Variants in ACSM2B observed in about 807,000 individuals in gnomAD.
ACSM2B encodes the protein acyl-CoA synthetase medium chain family member 2B, also known as acyl-coenzyme A synthetase ACSM2B, mitochondrial.
A neutral mutation model predicts 78.6 loss-of-function variants in ACSM2B; 58 were observed. That is an observed-to-expected ratio of 0.74 (90% confidence interval 0.60 to 0.92). The LOEUF is 0.92. ACSM2B is among the 40% of genes least tolerant of loss of function. The pLI, the probability that ACSM2B is intolerant of heterozygous loss-of-function variation, is 0.00. For missense variants in ACSM2B, 688 were observed against 711.2 expected (o/e 0.97, Z 0.37); for synonymous variants, 257 against 256.8 (o/e 1.00, Z -0.01).
chr16:20,545,891 T>C (rs1356167412), intron 9 of ACSM2B, among the ~76,000 whole-genome samples: 2 of 152,178 alleles, frequency 1.3e-5, no homozygotes, highest in African/African-American at 4.8e-5. Flanking sequence ...AATAAAACTT[T>C]AGCTACTACA....
At chr16:20,573,917 C>A (rs1283551781) in intron 1 of ACSM2B, among the ~76,000 whole-genome samples, 1 of 150,674 alleles carries the variant, frequency 6.6e-6, no homozygotes, top group East Asian at 1.9e-4. Flanking sequence ...TCCTGCTGTG[C>A]ACACATTGTC....
chr16:20,562,517 A>G (rs12926986), intron 2 of ACSM2B, among the ~76,000 whole-genome samples: 5 of 152,202 alleles, frequency 3.3e-5, no homozygotes, highest in African/African-American at 1.2e-4. Context: ...TCATTCGTGG[A>G]CATAGACCAA....
At chr16:20,552,049 A>C in intron 6 of ACSM2B, 95 bp downstream of exon 6, 1 of 1,522,170 alleles carries the variant, frequency 6.6e-7, no homozygotes, top group Non-Finnish European at 8.8e-7. Context: ...GAGGTTTAGC[A>C]AAAATTAGAT....
At chr16:20,562,283 C>T (rs370392637) in intron 2 of ACSM2B, among the ~76,000 whole-genome samples, 2 of 151,890 alleles carry the variant, frequency 1.3e-5, no homozygotes, top group African/African-American at 4.8e-5. Flanking sequence ...TAAAATAGAC[C>T]CTTCGCATAT....
intron 6 of ACSM2B, among the ~76,000 whole-genome samples, chr16:20,551,424 T>G (rs5012617): frequency 0.57 from 85,560 of 151,182 alleles, 27,906 homozygotes; most frequent in Non-Finnish European, 0.74. Flanking sequence ...GTCTTTATTT[T>G]TAAAAAGGAA....
At chr16:20,542,767 C>T (rs2015031492) in intron 12 of ACSM2B, 147 bp downstream of exon 12, 2 of 1,089,368 alleles carry the variant, frequency 1.8e-6, no homozygotes, top group South Asian at 3.2e-5. Context: ...GGCCAAGTAG[C>T]TTACCCAAGG....
intron 1 of ACSM2B, chr16:20,574,482 C>A (rs1476713481): frequency 1.3e-5 from 2 of 151,834 alleles, no homozygotes; most frequent in African/African-American, 4.8e-5. Flanking sequence ...TGATAAATGT[C>A]CATGAAATCT....
chr16:20,555,608 C>T, intron 3 of ACSM2B, 132 bp from the exon 4 acceptor site: 1 of 1,476,124 alleles, frequency 6.8e-7, no homozygotes, highest in Non-Finnish European at 9.0e-7. Flanking sequence ...TGGAGAACGT[C>T]AATAAAAAAG....
At chr16:20,559,470 G>A (rs2015579919) in intron 2 of ACSM2B, 23 bp from the exon 3 acceptor site, 5 of 1,611,490 alleles carry the variant, frequency 3.1e-6, no homozygotes, top group Non-Finnish European at 4.2e-6. Context: ...AAACCCTGTT[G>A]ATTAGGGGGC....
At chr16:20,550,518 ACC>A (rs2015281104) in intron 6 of ACSM2B, among the ~76,000 whole-genome samples, 1 of 152,132 alleles carries the variant, frequency 6.6e-6, no homozygotes, top group African/African-American at 2.4e-5. Context: ...CTTATTAAAA[ACC>A]AGTTCAAATC....
In ACSM2B at chr16:20,559,364, A is replaced by G. The variant is rs756651036; in HGVS notation, c.261T>C (p.Ser87=). The G allele has an allele frequency of 2.9e-5, 46 of 1,610,740 alleles. No individual in the cohort carries two copies. Among genetic ancestry groups the G allele is most frequent in the Middle Eastern group, 3.3e-4 (2 of 6,058 alleles). ...KELMWNFREL[S]ENSQQAANIL... is the part of the protein sequence containing the mutation. ...TGTTGGCTGCCTGCTGGCTGTTTTC[A>G]CTCAGTTCTCTGAAATTCCACATTA... Residue 87 remains serine, a synonymous_variant, in exon 3 of 14, where the codon AGT becomes AGC. Coordinates refer to ENST00000329697, the MANE Select transcript of ACSM2B (RefSeq NM_001105069.2).
At chr16:20,557,799 C>T (rs915103407) in intron 3 of ACSM2B, among the ~76,000 whole-genome samples, 6 of 152,156 alleles carry the variant, frequency 3.9e-5, no homozygotes, top group Non-Finnish European at 7.3e-5. Context: ...TCAAGCTTCC[C>T]TCCCCTGTGG....
chr16:20,550,474 G>T lies in ACSM2B; in HGVS notation c.894+1670C>A, dbSNP rs564538246. On this transcript the variant is annotated intron_variant, in intron 6 of 13. Transcript: ENST00000329697. ...TATATTTTCCTAATGGGCTTTATAA[G>T]TTTATGTCTGTTTTCATTTTTTTAA... 4.0e-3 allele frequency among the ~76,000 whole-genome samples: 613 copies of T among 152,102 alleles called. 2 individuals are homozygous for T. Among genetic ancestry groups the T allele is most frequent in the Non-Finnish European group, 6.5e-3 (444 of 67,962 alleles).
At chr16:20,574,235 C>T (rs1181073726) in intron 1 of ACSM2B, 4 of 152,012 alleles carry the variant, frequency 2.6e-5, no homozygotes, top group African/African-American at 4.8e-5. Flanking sequence ...CTATTCTGCC[C>T]GACCCCGCAG....
At chr16:20,561,880 ACAGGCC>A (rs1309638653) in intron 2 of ACSM2B, among the ~76,000 whole-genome samples, 1 of 99,896 alleles carries the variant, frequency 1.0e-5, no homozygotes, top group African/African-American at 3.9e-5. Context: ...CCACCCCATA[ACAGGCC>A]CAGTGTGTGA....
At chr16:20,540,978 G>T in intron 12 of ACSM2B, 1 of 607,340 alleles carries the variant, frequency 1.6e-6, no homozygotes, top group South Asian at 3.0e-5. Flanking sequence ...GGAGCAGGTG[G>T]ACAATAGATT....
chr16:20,554,687 C>A (rs2015415700), intron 4 of ACSM2B, among the ~76,000 whole-genome samples: 1 of 152,186 alleles, frequency 6.6e-6, no homozygotes, highest in South Asian at 2.1e-4. Context: ...CTTAGAGATA[C>A]AAGAGGTGGG....
At chr16:20,571,366 A>G (rs1023878106) in intron 1 of ACSM2B, among the ~76,000 whole-genome samples, 4 of 151,916 alleles carry the variant, frequency 2.6e-5, no homozygotes, top group African/African-American at 9.7e-5. Flanking sequence ...ATTTCCATGT[A>G]TTCATGTGAT....
chr16:20,559,134 G>C (rs958703513), intron 3 of ACSM2B, 103 bp downstream of exon 3: 26 of 1,476,468 alleles, frequency 1.8e-5, no homozygotes, highest in Non-Finnish European at 2.3e-5. Flanking sequence ...AGGACAGCAT[G>C]CTCCAAGGCA....
Sources: allele counts gnomAD v4.1 joint callset (sites outside exome capture counted in the v4.1 genomes callset), GRCh38; gene constraint gnomAD v4.1.1; transcripts MANE v1.5; gene names NCBI Gene and HGNC (gene_info 2026-07-23, HGNC 2026-07-21).